Variants in TMEM63C observed in about 807,000 individuals in gnomAD.
TMEM63C encodes osmosensitive cation channel TMEM63C.
TMEM63C carries 32 observed loss-of-function variants against 99.2 expected under a neutral mutation model. The observed-to-expected ratio is 0.32, with a 90% CI of 0.24 to 0.43. The LOEUF is 0.43. TMEM63C is among the 20% of genes least tolerant of loss of function. The probability of loss-of-function intolerance (pLI) is 1.00; values close to 1 mark genes in which losing one functional copy is unlikely to be tolerated. For missense variants in TMEM63C, 826 were observed against 1,053.0 expected, an observed-to-expected ratio of 0.78 and a Z score of 2.98; for synonymous variants, 376 against 397.9, an observed-to-expected ratio of 0.94 and a Z score of 0.66.
At chr14:77,233,425 G>A (rs755480373) in intron 7 of TMEM63C, 27 bp from the exon 8 acceptor site, 24 of 1,610,932 alleles carry the variant, frequency 1.5e-5, no homozygotes, top group Admixed American at 6.7e-5. Flanking sequence ...AGCCAGGCTC[G>A]AGGTCAGCAA....
chr14:77,202,632 C>T (rs1888317197), intron 1 of TMEM63C, among the ~76,000 whole-genome samples: 1 of 152,184 alleles, frequency 6.6e-6, no homozygotes, highest in Non-Finnish European at 1.5e-5. Flanking sequence ...CATCTAAGGA[C>T]ACCAGTCGTT....
intron 1 of TMEM63C, among the ~76,000 whole-genome samples, chr14:77,199,494 A>G (rs1566617445): frequency 6.6e-6 from 1 of 151,194 alleles, no homozygotes; most frequent in East Asian, 1.9e-4. Flanking sequence ...AGAACAGTCC[A>G]CTCTCTGTTT....
chr14:77,222,111 G>A (rs1888733981), intron 5 of TMEM63C, among the ~76,000 whole-genome samples: 1 of 152,124 alleles, frequency 6.6e-6, no homozygotes, highest in Admixed American at 6.5e-5. Context: ...CTCCCACTGG[G>A]CCCCAGCCTG....
intron 1 of TMEM63C, among the ~76,000 whole-genome samples, chr14:77,198,822 C>T (rs553228006): frequency 2.3e-4 from 35 of 152,242 alleles, no homozygotes; most frequent in African/African-American, 8.2e-4. Flanking sequence ...CTCGGTGCTG[C>T]CAAGCCCAGG....
At chr14:77,244,288 C>T in intron 15 of TMEM63C, 61 bp from the exon 16 acceptor site, 1 of 1,291,194 alleles carries the variant, frequency 7.7e-7, no homozygotes, top group Non-Finnish European at 1.1e-6. Context: ...GGAGAAGAAG[C>T]AAGGGGAAGA....
intron 1 of TMEM63C, among the ~76,000 whole-genome samples, chr14:77,200,727 C>T (rs1888285347): frequency 6.6e-6 from 1 of 152,226 alleles, no homozygotes; most frequent in African/African-American, 2.4e-5. Flanking sequence ...ATCTGCCTCT[C>T]GGCTTTTATG....
At chr14:77,220,756 G>C (rs1221072752) in intron 5 of TMEM63C, among the ~76,000 whole-genome samples, 1 of 151,832 alleles carries the variant, frequency 6.6e-6, no homozygotes, top group African/African-American at 2.4e-5. Context: ...GCGGGGCCCT[G>C]AATACTCTGA....
At chr14:77,237,735 T>C (rs991184718) in intron 9 of TMEM63C, among the ~76,000 whole-genome samples, 1 of 148,150 alleles carries the variant, frequency 6.7e-6, no homozygotes. Flanking sequence ...GCTGCAGGTG[T>C]TGGTGTGCAG....
chr14:77,219,681 C>T lies in TMEM63C; in HGVS notation c.230+104C>T, dbSNP rs1594857591. The T allele has an allele frequency of 4.4e-5, 55 of 1,255,898 alleles. No homozygotes were observed. The South Asian group carries it at 5.0e-4, about 11-fold the overall frequency. The allele number at this position is 1,255,898 out of a possible 1,614,324, so 77.8% of individuals were successfully genotyped here. A position where few individuals can be genotyped will look rare whatever the true frequency, so the allele number is the denominator to read the frequency against. On this transcript the variant is annotated intron_variant, in intron 4 of 23. Coordinates refer to ENST00000298351, the MANE Select transcript of TMEM63C (RefSeq NM_020431.4). ...AGCGCCCGAGCTGCAGCAGGTGTCT[C>T]GCCAGCAAGTGGCCTCTGCCCCTGC... is the stretch of plus-strand genomic sequence containing the variant.
At chr14:77,203,052 C>G (rs558967216) in intron 1 of TMEM63C, among the ~76,000 whole-genome samples, 1 of 152,058 alleles carries the variant, frequency 6.6e-6, no homozygotes, top group Non-Finnish European at 1.5e-5. Flanking sequence ...TTGTTCAAAA[C>G]GGTTAGGTAT....
At position 77,231,606 on chromosome 14, in the gene TMEM63C, C is replaced by T. The variant is rs1485998348; in HGVS notation, c.369C>T (p.Asn123=). The T allele has an allele frequency of 1.4e-5, 21 of 1,551,508 alleles. No individual in the cohort carries two copies. The highest frequency in any genetic ancestry group is 1.7e-5 in the Non-Finnish European group (20 of 1,146,990). ...CTTCCAGGGACGAGGATCTGATTAACAAGTGTGGGGACGACGCGCGCATCT... is the reference window on the plus strand; with the variant it reads ...CTTCCAGGGACGAGGATCTGATTAATAAGTGTGGGGACGACGCGCGCATCT... ...SITMKDEDLI[N]KCGDDARIYI... The change falls in exon 7 of 24, where the codon AAC becomes AAT. Residue 123 remains asparagine, a synonymous_variant. Transcript: ENST00000298351.
intron 4 of TMEM63C, 143 bp downstream of exon 4, chr14:77,219,720 C>A: frequency 1.2e-6 from 1 of 854,816 alleles, no homozygotes; most frequent in Non-Finnish European, 1.9e-6. Flanking sequence ...GCCCTCCCTG[C>A]AGGAAGGGGA....
At chr14:77,199,657 G>T (rs1399336332) in intron 1 of TMEM63C, among the ~76,000 whole-genome samples, 1 of 152,172 alleles carries the variant, frequency 6.6e-6, no homozygotes, top group African/African-American at 2.4e-5. Context: ...AGCTTGGCTT[G>T]TTCCCTTCTC....
intron 1 of TMEM63C, among the ~76,000 whole-genome samples, chr14:77,185,697 A>T (rs1322694912): frequency 7.9e-5 from 12 of 152,180 alleles, no homozygotes; most frequent in Admixed American, 3.3e-4. Context: ...TGGGGAAATC[A>T]ATCCTGCTTT....
At position 77,258,117 on chromosome 14, in the gene TMEM63C, A is replaced by C. The variant is rs1003747030; in HGVS notation, c.*1391A>C. 1 of 152,670 alleles carries C rather than the reference A, an allele frequency of 6.6e-6. No homozygotes were observed. The highest frequency in any genetic ancestry group is 2.1e-4 in the South Asian group (1 of 4,830). 9.5% of individuals were successfully genotyped at this position (152,670 alleles called of 1,614,324 possible). A position where few individuals can be genotyped will look rare whatever the true frequency, so the allele number is the denominator to read the frequency against. On this transcript the variant is annotated 3_prime_UTR_variant, in exon 24 of 24. Transcript: ENST00000298351. ...GGACCACCGTGCAGCCCAGCCAGGGAGGACATGAGAAGGGCCAGTGGGGGC... is the reference window on the plus strand; with the variant it reads ...GGACCACCGTGCAGCCCAGCCAGGGCGGACATGAGAAGGGCCAGTGGGGGC...
Position 77,245,982 on chromosome 14 carries a change from T to C in TMEM63C, c.1491T>C (p.Phe497=). 6.2e-7 allele frequency: 1 copy of C among 1,614,046 alleles called. No individual in the cohort carries two copies. The highest frequency in any genetic ancestry group is 8.5e-7 in the Non-Finnish European group (1 of 1,179,888). ...TCATGGTGCACAAGTGCTACATCTT[T>C]CTGGTGTTCATGGTAGTCATTCTGC... ...NLVMVHKCYI[F]LVFMVVILPS... Residue 497 remains phenylalanine (F), a synonymous_variant, in exon 17 of 24, where the codon TTT becomes TTC. Coordinates refer to ENST00000298351, the MANE Select transcript of TMEM63C (RefSeq NM_020431.4).
At chr14:77,216,394 G>T (rs1888587108) in intron 2 of TMEM63C, among the ~76,000 whole-genome samples, 1 of 152,082 alleles carries the variant, frequency 6.6e-6, no homozygotes, top group Non-Finnish European at 1.5e-5. Context: ...GTAATTCAGG[G>T]CTTTGCCTCG....
At chr14:77,213,614 T>C (rs1043913172) in intron 2 of TMEM63C, 106 bp downstream of exon 2, 2 of 152,252 alleles carry the variant, frequency 1.3e-5, no homozygotes, top group Admixed American at 1.3e-4. Flanking sequence ...CCAGCAGAAC[T>C]GCAGCCTCCT....
intron 1 of TMEM63C, among the ~76,000 whole-genome samples, chr14:77,205,533 G>C (rs536350719): frequency 1.3e-5 from 2 of 152,210 alleles, no homozygotes; most frequent in Non-Finnish European, 2.9e-5. Context: ...GCAAGACCAG[G>C]GGGTGTACCC....
Sources: gnomAD v4.1 joint callset for allele counts (sites outside exome capture counted in the v4.1 genomes callset) on GRCh38, gnomAD v4.1.1 for gene constraint, MANE v1.5 for transcripts, NCBI Gene and HGNC (gene_info 2026-07-23, HGNC 2026-07-21) for gene names.